AGPS: variants seen among roughly 807,000 people sequenced by gnomAD.
AGPS encodes alkylglycerone phosphate synthase, also known as alkyldihydroxyacetonephosphate synthase, peroxisomal.
In AGPS, 26 loss-of-function variants were observed where a neutral mutation model predicts 90.7. The ratio of observed to expected loss-of-function variants is 0.29; its 90% CI spans 0.21 to 0.40. The LOEUF is 0.40. Ranked by LOEUF, AGPS falls within the 10% of genes least tolerant of loss-of-function variation. The pLI, the probability that AGPS is intolerant of heterozygous loss-of-function variation, is 1.00. For missense variants in AGPS, 540 were observed against 816.1 expected (o/e 0.66, Z 4.12); for synonymous variants, 294 against 285.3 (o/e 1.03, Z -0.31).
chr2:177,526,139 A>G (rs1316521243), intron 19 of AGPS, among the ~76,000 whole-genome samples: 1 of 152,216 alleles, frequency 6.6e-6, no homozygotes, highest in Non-Finnish European at 1.5e-5. Context: ...ATAAAAGTTA[A>G]TTAACAAATA....
intron 16 of AGPS, among the ~76,000 whole-genome samples, chr2:177,510,671 G>A (rs1688843982): frequency 6.6e-6 from 1 of 151,672 alleles, no homozygotes; most frequent in Non-Finnish European, 1.5e-5. Context: ...TTACACATTT[G>A]TTTTCCTTTA....
intron 2 of AGPS, among the ~76,000 whole-genome samples, chr2:177,429,919 C>A (rs185680123): frequency 3.4e-4 from 52 of 152,172 alleles, no homozygotes; most frequent in Non-Finnish European, 6.3e-4. Flanking sequence ...GCAGAGACAT[C>A]GGCTGTGTCT....
rs781382221 is a variant in AGPS at position 177,521,266 on chromosome 2, T to C, written c.1698-3T>C. The C allele has an allele frequency of 6.2e-7, 1 of 1,613,938 alleles. No individual in the cohort carries two copies. The highest frequency in any genetic ancestry group is 1.7e-5 in the Admixed American group (1 of 60,028). On this transcript the variant is annotated splice_polypyrimidine_tract_variant and splice_region_variant and intron_variant, in intron 17 of 19. Coordinates refer to ENST00000264167, the MANE Select transcript of AGPS (RefSeq NM_003659.4). The stretch of plus-strand genomic sequence containing the variant: ...CCCTGTGGGGATTTTGTTTGTTTTT[T>C]AGGGTGACGCAGACTTACGATGCAG...
chr2:177,413,507 A>G (rs1375624809), intron 1 of AGPS, among the ~76,000 whole-genome samples: 1 of 152,198 alleles, frequency 6.6e-6, no homozygotes, highest in Non-Finnish European at 1.5e-5. Context: ...GCATTTTCCC[A>G]GTTGGTGGTA....
At chr2:177,466,610 G>T (rs1204816257) in intron 9 of AGPS, among the ~76,000 whole-genome samples, 1 of 152,242 alleles carries the variant, frequency 6.6e-6, no homozygotes, top group African/African-American at 2.4e-5. Context: ...CCTCCCTTCT[G>T]TGCTCATTGG....
At chr2:177,432,507 G>A (rs148435782) in intron 2 of AGPS, among the ~76,000 whole-genome samples, 5 of 152,316 alleles carry the variant, frequency 3.3e-5, no homozygotes, top group African/African-American at 9.6e-5. Context: ...CTTAAAAACA[G>A]GAGTCATAAT....
At chr2:177,466,514 A>G (rs935085592) in intron 9 of AGPS, among the ~76,000 whole-genome samples, 2 of 152,156 alleles carry the variant, frequency 1.3e-5, no homozygotes, top group Non-Finnish European at 2.9e-5. Context: ...GCCTCCTGCC[A>G]CTGTTTATGG....
At chr2:177,511,486 G>GA (rs1367414539) in intron 16 of AGPS, among the ~76,000 whole-genome samples, 5 of 151,090 alleles carry the variant, frequency 3.3e-5, no homozygotes, top group African/African-American at 7.3e-5. Flanking sequence ...TGGAGTGAAG[G>GA]AAAAAAAAGA....
Position 177,420,371 on chromosome 2 carries a change from TA to T in AGPS, c.350+14del. Reference sequence around the variant, plus strand: ...TGACTGGGAAAAGGTAACCCTGGTTTATTTCTTCTTTTGTTCCTCCTTTAAT... The same window carrying T: ...TGACTGGGAAAAGGTAACCCTGGTTTTTTCTTCTTTTGTTCCTCCTTTAAT... On this transcript the variant is annotated intron_variant, in intron 2 of 19. Transcript: ENST00000264167. 2 of 1,568,442 alleles carry T rather than the reference TA, an allele frequency of 1.3e-6. No homozygotes were observed. The highest frequency in any genetic ancestry group is 2.2e-5 in the South Asian group (2 of 90,080).
chr2:177,444,803 C>T (rs1686721980), intron 7 of AGPS, among the ~76,000 whole-genome samples: 1 of 152,158 alleles, frequency 6.6e-6, no homozygotes, highest in Non-Finnish European at 1.5e-5. Flanking sequence ...AAGAAGTCTG[C>T]TCTTAATAGT....
chr2:177,422,858 A>G (rs1559039691), intron 2 of AGPS, among the ~76,000 whole-genome samples: 1 of 152,196 alleles, frequency 6.6e-6, no homozygotes, highest in Non-Finnish European at 1.5e-5. Flanking sequence ...TTTTATCAGA[A>G]AACATTTACA....
rs538124587 is a variant in AGPS, at chr2:177,536,198, T to C, written c.1856-1876T>C. On this transcript the variant is annotated intron_variant, in intron 19 of 19. Transcript: ENST00000264167. ...GCTGTTGGGCATCCTGCTGAGGTTCTAATGTGCTCCATCTTGTTGGAGCAG... is the reference window on the plus strand; with the variant it reads ...GCTGTTGGGCATCCTGCTGAGGTTCCAATGTGCTCCATCTTGTTGGAGCAG... Among the ~76,000 whole-genome samples, 8 of 152,294 alleles carry C rather than the reference T, an allele frequency of 5.3e-5. No homozygotes were observed. In the South Asian group the frequency reaches 1.7e-3, roughly 32 times the overall value.
intron 10 of AGPS, among the ~76,000 whole-genome samples, chr2:177,469,850 C>T (rs1245334405): frequency 6.6e-6 from 1 of 151,470 alleles, no homozygotes; most frequent in East Asian, 1.9e-4. Context: ...TTTTTTCTCC[C>T]ATCAGTTAGC....
chr2:177,425,628 A>AG (rs1686059531), intron 2 of AGPS, among the ~76,000 whole-genome samples: 1 of 143,596 alleles, frequency 7.0e-6, no homozygotes, highest in Non-Finnish European at 1.5e-5. Flanking sequence ...CCTAGAAAAA[A>AG]AAAAAAAAAA....
chr2:177,500,487 G>C (rs1398298351), intron 14 of AGPS, among the ~76,000 whole-genome samples: 2 of 151,132 alleles, frequency 1.3e-5, no homozygotes, highest in Non-Finnish European at 3.0e-5. Flanking sequence ...CTTTTTCATT[G>C]TTTTTTAAGA....
chr2:177,519,650 G>T (rs972756388), intron 17 of AGPS, among the ~76,000 whole-genome samples: 1 of 152,102 alleles, frequency 6.6e-6, no homozygotes, highest in African/African-American at 2.4e-5. Flanking sequence ...GCAGTGATTT[G>T]CTTTTTTTCT....
chr2:177,423,342 C>T, intron 2 of AGPS, among the ~76,000 whole-genome samples: 1 of 151,914 alleles, frequency 6.6e-6, no homozygotes, highest in Non-Finnish European at 1.5e-5. Context: ...TTTGGCTGAA[C>T]AGTATTAATT....
chr2:177,423,227 A>G lies in AGPS; in HGVS notation c.350+2869A>G, dbSNP rs879315987. ...AGGTTATCTTGTGTCAAAAATTCCT[A>G]TTGTTACTGTGAAAGGCAAAGGGGA... On this transcript the variant is annotated intron_variant, in intron 2 of 19. Coordinates refer to ENST00000264167, the MANE Select transcript of AGPS (RefSeq NM_003659.4). 1.2e-3 allele frequency among the ~76,000 whole-genome samples: 46 copies of G among 37,944 alleles called. 21 individuals carry two copies. The Middle Eastern group carries it at 0.074, about 61-fold the overall frequency. The allele number at this position is 37,944 out of a possible 152,430, so 24.9% of individuals were successfully genotyped here. A position where few individuals can be genotyped will look rare whatever the true frequency, so the allele number is the denominator to read the frequency against.
intron 1 of AGPS, among the ~76,000 whole-genome samples, chr2:177,403,001 G>A (rs1476231609): frequency 2.0e-5 from 3 of 152,192 alleles, no homozygotes; most frequent in Admixed American, 6.5e-5. Flanking sequence ...AGGTTGCAGT[G>A]AGCCGAGATC....
Sources: gnomAD v4.1 joint callset for allele counts (sites outside exome capture counted in the v4.1 genomes callset) on GRCh38, gnomAD v4.1.1 for gene constraint, MANE v1.5 for transcripts, NCBI Gene and HGNC (gene_info 2026-07-23, HGNC 2026-07-21) for gene names.